The following ENPP2 variants were observed in gnomAD, a reference collection of about 807,000 sequenced individuals.
ENPP2 encodes the protein ectonucleotide pyrophosphatase/phosphodiesterase 2, also known as autotaxin.
ENPP2 carries 51 observed loss-of-function variants against 120.2 expected under a neutral mutation model. The observed-to-expected ratio is 0.42, with a 90% CI of 0.34 to 0.54. The LOEUF is 0.54. Among genes scored for constraint, ENPP2 ranks in the 20% least tolerant of loss-of-function variants. The pLI is 0.04. For missense variants in ENPP2, 920 were observed against 1,066.5 expected (o/e 0.86, Z 1.91); for synonymous variants, 365 against 366.4 (o/e 1.00, Z 0.04).
chr8:119,559,918 G>A (rs1402839444), intron 24 of ENPP2, among the ~76,000 whole-genome samples: 2 of 152,160 alleles, frequency 1.3e-5, no homozygotes, highest in Non-Finnish European at 2.9e-5. Context: ...TCAACGAGAA[G>A]CATGCTGGCC....
chr8:119,648,346 G>C (rs1283405971), intron 1 of ENPP2, among the ~76,000 whole-genome samples: 1 of 152,184 alleles, frequency 6.6e-6, no homozygotes, highest in Non-Finnish European at 1.5e-5. Context: ...TTTATGGAGA[G>C]ATTATATGTA....
At position 119,562,857 on chromosome 8, in the gene ENPP2, A is replaced by C; in HGVS notation, c.2421T>G (p.Asn807Lys). The change falls in exon 24 of 25, where the codon AAT (asparagine) becomes AAG (lysine). Residue 807 changes from asparagine (N) to lysine (K), a missense_variant and splice_region_variant. Physicochemically the swap from Asn to Lys is moderately conservative, Grantham distance 94 (BLOSUM62 0). Transcript: ENST00000075322. ...TAAAGGACTCTCTCTGTAAACTCACATTGCAGCTCTCCTCGTTGTCAGGCC... is the reference window on the plus strand; with the variant it reads ...TAAAGGACTCTCTCTGTAAACTCACCTTGCAGCTCTCCTCGTTGTCAGGCC... The part of the protein sequence containing the change: ...PHRPDNEESC[N>K]SSEDESKWVE... 6.2e-7 allele frequency: 1 copy of C among 1,613,664 alleles called. No homozygotes were observed. Among genetic ancestry groups the C allele is most frequent in the Non-Finnish European group, 8.5e-7 (1 of 1,179,824 alleles).
rs1315619019 is a variant in ENPP2, at chr8:119,557,322, CA to C, written c.*198del. Reference sequence around the variant, plus strand: ...AAAACTCAAGCTGCAGTATTTATTACAAGCTCTACTCAGAACACAAGGCTAC... The same window carrying C: ...AAAACTCAAGCTGCAGTATTTATTACAGCTCTACTCAGAACACAAGGCTAC... On this transcript the variant is annotated 3_prime_UTR_variant, in exon 25 of 25. Coordinates refer to ENST00000075322, the MANE Select transcript of ENPP2 (RefSeq NM_001040092.3). 110 of 508,878 alleles carry C rather than the reference CA, an allele frequency of 2.2e-4. No homozygotes were observed. The highest frequency in any genetic ancestry group is 1.4e-5 in the Non-Finnish European group (4 of 290,564). The allele number at this position is 508,878 out of a possible 1,614,324, so 31.5% of individuals were successfully genotyped here.
chr8:119,614,827 T>A (rs6469833), intron 8 of ENPP2, among the ~76,000 whole-genome samples: 73,585 of 151,924 alleles, frequency 0.48, 19,491 homozygotes, highest in African/African-American at 0.7. Context: ...AAACTTTGAA[T>A]AATCCACCCT....
chr8:119,639,321 A>G (rs1216741130), upstream of ENPP2, among the ~76,000 whole-genome samples: 1 of 151,994 alleles, frequency 6.6e-6, no homozygotes, highest in Non-Finnish European at 1.5e-5. Context: ...TTTCCCATCT[A>G]TTTATTTTGC....
rs1355577532 is a variant in ENPP2, at chr8:119,564,971, A to C, written c.2132-16T>G. The C allele has an allele frequency of 6.2e-7, 1 of 1,607,066 alleles. No individual in the cohort carries two copies. Among genetic ancestry groups the C allele is most frequent in the South Asian group, 1.1e-5 (1 of 90,312 alleles). The stretch of plus-strand genomic sequence containing the variant: ...TTCCAGACCCCTGTGCAAAGACAAA[A>C]ATCCAAAAATCAATTATTCATGAAG... On this transcript the variant is annotated splice_polypyrimidine_tract_variant and intron_variant, in intron 22 of 24. Coordinates refer to ENST00000075322, the MANE Select transcript of ENPP2 (RefSeq NM_001040092.3).
chr8:119,589,726 A>G (rs529497898), intron 13 of ENPP2, among the ~76,000 whole-genome samples: 2 of 152,290 alleles, frequency 1.3e-5, no homozygotes, highest in South Asian at 2.1e-4. Flanking sequence ...TAATTTTCCA[A>G]AGCTGTAAGG....
chr8:119,572,273 T>G, intron 19 of ENPP2: 2 of 1,513,434 alleles, frequency 1.3e-6, no homozygotes, highest in Non-Finnish European at 1.8e-6. Context: ...GTATCAAAAT[T>G]CTTTGAGAAG....
chr8:119,607,244 AATG>A (rs1261829379), intron 9 of ENPP2, among the ~76,000 whole-genome samples: 2 of 152,228 alleles, frequency 1.3e-5, no homozygotes, highest in African/African-American at 4.8e-5. Flanking sequence ...ATTTATAGAA[AATG>A]ATAACGACAG....
At chr8:119,594,452 T>C (rs1813749914) in intron 11 of ENPP2, among the ~76,000 whole-genome samples, 1 of 152,256 alleles carries the variant, frequency 6.6e-6, no homozygotes, top group South Asian at 2.1e-4. Context: ...CTTTTAAAGC[T>C]GATTTTGAGT....
chr8:119,610,752 A>C (rs1815045971), intron 8 of ENPP2, among the ~76,000 whole-genome samples: 1 of 151,916 alleles, frequency 6.6e-6, no homozygotes, highest in South Asian at 2.1e-4. Context: ...AGATACAAAA[A>C]ACCAGCCAGG....
intron 8 of ENPP2, among the ~76,000 whole-genome samples, chr8:119,615,081 G>GA (rs1380959089): frequency 6.6e-6 from 1 of 151,968 alleles, no homozygotes; most frequent in Non-Finnish European, 1.5e-5. Context: ...GATACCTTAA[G>GA]AAAAAATTTC....
chr8:119,589,051 A>C (rs1186916056), intron 13 of ENPP2, among the ~76,000 whole-genome samples: 1 of 152,240 alleles, frequency 6.6e-6, no homozygotes, highest in Admixed American at 6.5e-5. Flanking sequence ...ATGCTATTAA[A>C]AGGATTAAAT....
At chr8:119,592,443 A>G (rs1336361443) in intron 12 of ENPP2, among the ~76,000 whole-genome samples, 1 of 140,032 alleles carries the variant, frequency 7.1e-6, no homozygotes, top group Admixed American at 7.6e-5. Flanking sequence ...ATTGCATTCC[A>G]TCTTGGGCGA....
At chr8:119,618,163 T>G in intron 5 of ENPP2, 1 of 369,748 alleles carries the variant, frequency 2.7e-6, no homozygotes, top group South Asian at 2.1e-5. Context: ...TTATTATTCA[T>G]TGGTAGCTTT....
chr8:119,601,367 TGAAGAAA>T, intron 10 of ENPP2, 23 bp downstream of exon 10: 2 of 1,428,116 alleles, frequency 1.4e-6, no homozygotes, highest in African/African-American at 2.8e-5. Flanking sequence ...AGAAATGTAC[TGAAGAAA>T]GAAGAAAGAG....
chr8:119,631,518 T>C (rs1176253658), intron 2 of ENPP2, among the ~76,000 whole-genome samples: 2 of 152,114 alleles, frequency 1.3e-5, no homozygotes, highest in Non-Finnish European at 2.9e-5. Flanking sequence ...GCCCAGTCTA[T>C]CTCTTTTAAA....
intron 9 of ENPP2, among the ~76,000 whole-genome samples, chr8:119,605,852 G>A (rs1814685690): frequency 6.6e-6 from 1 of 152,178 alleles, no homozygotes; most frequent in Non-Finnish European, 1.5e-5. Context: ...AATCTAATAA[G>A]CAGCCAAGCT....
intron 1 of ENPP2, among the ~76,000 whole-genome samples, chr8:119,647,976 G>T (rs974433595): frequency 6.6e-6 from 1 of 152,156 alleles, no homozygotes; most frequent in Non-Finnish European, 1.5e-5. Flanking sequence ...CTGCACTCCA[G>T]CCTGGGCAAC....
Sources: gnomAD v4.1 joint callset for allele counts (sites outside exome capture counted in the v4.1 genomes callset) on GRCh38, gnomAD v4.1.1 for gene constraint, MANE v1.5 for transcripts, NCBI Gene and HGNC (gene_info 2026-07-23, HGNC 2026-07-21) for gene names.